Variants in AKAP9 observed in about 807,000 individuals in gnomAD.
The protein encoded by AKAP9 is A-kinase anchor protein 9.
In AKAP9, 311 loss-of-function variants were observed where a neutral mutation model predicts 488.5. That is an observed-to-expected ratio of 0.64 (90% CI 0.58 to 0.70). The LOEUF (loss-of-function observed/expected upper bound fraction) is 0.70, where lower values mean the gene tolerates loss of function less well. Ranked by LOEUF, AKAP9 falls within the 30% of genes least tolerant of loss-of-function variation. The pLI is 0.00. For missense variants in AKAP9, 4,215 were observed against 4,374.5 expected (o/e 0.96, Z 1.03); for synonymous variants, 1,462 against 1,483.5 (o/e 0.99, Z 0.33).
chr7:91,966,374 T>G (rs1794444675), intron 1 of AKAP9, among the ~76,000 whole-genome samples: 1 of 152,228 alleles, frequency 6.6e-6, no homozygotes, highest in South Asian at 2.1e-4. Flanking sequence ...TTGTATGTGG[T>G]AAGAGATACT....
At chr7:92,108,914 A>G in intron 49 of AKAP9, 1 of 492,026 alleles carries the variant, frequency 2.0e-6, no homozygotes, top group Non-Finnish European at 3.7e-6. Context: ...ATGCACAATG[A>G]GCACCAGTGT....
At chr7:92,063,045 T>C (rs948968249) in intron 24 of AKAP9, among the ~76,000 whole-genome samples, 2 of 151,684 alleles carry the variant, frequency 1.3e-5, no homozygotes, top group Non-Finnish European at 2.9e-5. Context: ...AAGTGAAAGT[T>C]TGTTTAGCAG....
At chr7:92,109,279 G>A (rs1044743795) in intron 49 of AKAP9, among the ~76,000 whole-genome samples, 1 of 152,150 alleles carries the variant, frequency 6.6e-6, no homozygotes, top group African/African-American at 2.4e-5. Context: ...CCTGTTCATG[G>A]AAGGAAAACC....
At chr7:92,093,028 C>T (rs1259012132) in intron 38 of AKAP9, 69 bp from the exon 39 acceptor site, 2 of 1,355,380 alleles carry the variant, frequency 1.5e-6, no homozygotes, top group Non-Finnish European at 2.1e-6. Flanking sequence ...CAGTTCTTAT[C>T]AACAAATATT....
chr7:92,002,100 T>C lies in AKAP9; in HGVS notation c.2183T>C (p.Ile728Thr). ...TLQINELQKE[I>T]EILRQEEKEK... ...CAAATCAATGAACTTCAAAAAGAAA[T>C]TGAAATACTCAGACAAGAAGAAAAA... is the stretch of plus-strand genomic sequence containing the variant. The change falls in exon 8 of 50, where the codon ATT (isoleucine) becomes ACT (threonine). Residue 728 changes from isoleucine to threonine, a missense_variant. Physicochemically the swap from Ile to Thr is moderately conservative, Grantham distance 89. Coordinates refer to ENST00000356239, the MANE Select transcript of AKAP9 (RefSeq NM_005751.5). The C allele has an allele frequency of 6.3e-7, 1 of 1,593,838 alleles. No homozygotes were observed. Among genetic ancestry groups the C allele is most frequent in the Non-Finnish European group, 8.5e-7 (1 of 1,174,564 alleles).
chr7:91,962,795 C>G (rs115774362), intron 1 of AKAP9, among the ~76,000 whole-genome samples: 1 of 151,918 alleles, frequency 6.6e-6, no homozygotes, highest in African/African-American at 2.4e-5. Context: ...AATTTGGGTT[C>G]ATTTAGTAAT....
rs368650412 is a variant in AKAP9, at chr7:92,008,994, A to AAG, written c.3319-3434_3319-3433insGA. On this transcript the variant is annotated intron_variant, in intron 8 of 49. Transcript: ENST00000356239. ...AGCGAGACTCCATTTAAAAAAAAAAAAAAAAAGAAAATGATCGGGAAAAAA... is the reference window on the plus strand; with the variant it reads ...AGCGAGACTCCATTTAAAAAAAAAAAAGAAAAAAGAAAATGATCGGGAAAAAA... Among the ~76,000 whole-genome samples the AAG allele has an allele frequency of 2.4e-3, 363 of 151,708 alleles. 3 individuals carry two copies. Among genetic ancestry groups the AAG allele is most frequent in the African/African-American group, 8.4e-3 (346 of 41,350 alleles).
chr7:92,031,983 T>G (rs1804338119), intron 16 of AKAP9, among the ~76,000 whole-genome samples: 1 of 152,226 alleles, frequency 6.6e-6, no homozygotes. Context: ...TTTTGTTAGG[T>G]AATGACTACA....
intron 26 of AKAP9, 38 bp from the exon 27 acceptor site, chr7:92,069,992 T>A (rs1438767235): frequency 1.7e-5 from 27 of 1,584,842 alleles, no homozygotes; most frequent in Non-Finnish European, 2.2e-5. Flanking sequence ...CTTGCTGAAA[T>A]TTTTTTTAAA....
chr7:92,078,046 G>T (rs1330097430), intron 30 of AKAP9, among the ~76,000 whole-genome samples, 171 bp downstream of exon 30: 1 of 151,720 alleles, frequency 6.6e-6, no homozygotes, highest in African/African-American at 2.4e-5. Flanking sequence ...GCCCAGGCTG[G>T]AGTCCAATGG....
At chr7:92,062,616 A>G in intron 24 of AKAP9, 130 bp downstream of exon 24, 1 of 776,752 alleles carries the variant, frequency 1.3e-6, no homozygotes, top group Non-Finnish European at 2.1e-6. Flanking sequence ...AAAAAATTAT[A>G]AGAAAATCTA....
intron 1 of AKAP9, among the ~76,000 whole-genome samples, chr7:91,951,442 AGGCTCCCGAGTAGCTGG>A: frequency 6.6e-6 from 1 of 151,998 alleles, no homozygotes; most frequent in South Asian, 2.1e-4. Flanking sequence ...CTCTCACTTC[AGGCTCCCGAGTAGCTGG>A]GGCTGCGGGG....
chr7:92,100,966 A>G lies in AKAP9; in HGVS notation c.11007A>G (p.Ala3669=). Residue 3669 remains alanine, a synonymous_variant, in exon 45 of 50, where the codon GCA becomes GCG. Coordinates refer to ENST00000356239, the MANE Select transcript of AKAP9 (RefSeq NM_005751.5). ...KLTLQKSLKR[A]EAEVYKLKAE... ...CTCTCCAGAAATCTTTGAAAAGGGC[A>G]GAGGCTGAAGTATACAAACTGAAAG... 1 of 1,614,228 alleles carries G rather than the reference A, an allele frequency of 6.2e-7. No individual in the cohort carries two copies. The highest frequency in any genetic ancestry group is 8.5e-7 in the Non-Finnish European group (1 of 1,180,036).
intron 8 of AKAP9, among the ~76,000 whole-genome samples, chr7:92,008,097 T>C (rs906482000): frequency 2.0e-5 from 3 of 152,134 alleles, no homozygotes; most frequent in Non-Finnish European, 4.4e-5. Context: ...TGGCTGGCCG[T>C]GGTGGCTCAC....
Position 92,099,662 on chromosome 7 carries a change from A to G in AKAP9, c.10714-25A>G, listed in dbSNP as rs748414375. On this transcript the variant is annotated intron_variant, in intron 43 of 49. Coordinates refer to ENST00000356239, the MANE Select transcript of AKAP9 (RefSeq NM_005751.5). ...ATTCACATCCATTTGTGCTTAAGTG[A>G]CCTTACACCATTTTATTTTTCCAGC... 3.1e-6 allele frequency: 5 copies of G among 1,612,578 alleles called. No homozygotes were observed. In the Admixed American group the frequency reaches 8.3e-5, roughly 27 times the overall value.
chr7:92,097,672 C>T lies in AKAP9; in HGVS notation c.10485C>T (p.Tyr3495=), dbSNP rs764654898. The T allele has an allele frequency of 3.7e-5, 59 of 1,613,762 alleles. No individual in the cohort carries two copies. In the South Asian group the frequency reaches 5.2e-4, roughly 14 times the overall value. ...AAGGAGAAACAAAAGAATCAAACTACGCTAAATTGATTGAAATGAATGGAG... is the reference window on the plus strand; with the variant it reads ...AAGGAGAAACAAAAGAATCAAACTATGCTAAATTGATTGAAATGAATGGAG... ...KIEGETKESN[Y]AKLIEMNGGG... The change falls in exon 42 of 50, where the codon TAC becomes TAT. Residue 3495 remains tyrosine, a synonymous_variant. Coordinates refer to ENST00000356239, the MANE Select transcript of AKAP9 (RefSeq NM_005751.5).
intron 1 of AKAP9, among the ~76,000 whole-genome samples, chr7:91,957,031 A>G (rs1248757807): frequency 1.3e-5 from 2 of 152,134 alleles, no homozygotes; most frequent in Non-Finnish European, 2.9e-5. Context: ...TAATCTGCAT[A>G]TTTAAAAACT....
Position 92,001,139 on chromosome 7 carries a change from A to G in AKAP9, c.1222A>G (p.Asn408Asp). 1 of 1,614,072 alleles carries G rather than the reference A, an allele frequency of 6.2e-7. No individual in the cohort carries two copies. Among genetic ancestry groups the G allele is most frequent in the Non-Finnish European group, 8.5e-7 (1 of 1,179,966 alleles). Reference sequence around the variant, plus strand: ...GACAGTCGAAGAACTTCAGAAGAGAAATCATAAAGACAGCCAGTTCGAAAC... The same window carrying G: ...GACAGTCGAAGAACTTCAGAAGAGAGATCATAAAGACAGCCAGTTCGAAAC... ...MGTVEELQKR[N>D]HKDSQFETDI... Residue 408 changes from asparagine (N) to aspartate (D), a missense_variant, in exon 8 of 50, where the codon AAT (asparagine) becomes GAT (aspartate). By Grantham distance (23) the Asn-to-Asp change is conservative (BLOSUM62 1). This residue lies in a region of AKAP9 where 2,361 missense variants were observed against 2,430.0 expected (regional missense o/e 0.97). Coordinates refer to ENST00000356239, the MANE Select transcript of AKAP9 (RefSeq NM_005751.5).
intron 3 of AKAP9, among the ~76,000 whole-genome samples, chr7:91,982,322 C>G (rs1437592217): frequency 1.3e-5 from 2 of 151,978 alleles, no homozygotes; most frequent in Non-Finnish European, 2.9e-5. Flanking sequence ...GGTATATCTC[C>G]TAATGCTATC....
Sources: gnomAD v4.1 joint callset for allele counts (sites outside exome capture counted in the v4.1 genomes callset) on GRCh38, gnomAD v4.1.1 for gene constraint, gnomAD v4.1.1 regional missense constraint, MANE v1.5 for transcripts, NCBI Gene and HGNC (gene_info 2026-07-23, HGNC 2026-07-21) for gene names.